Variants in ADAMTS3 observed in about 807,000 individuals in gnomAD.
The protein encoded by ADAMTS3 is A disintegrin and metalloproteinase with thrombospondin motifs 3.
Under a neutral mutation model 129.0 loss-of-function variants are expected in ADAMTS3, and 73 were observed. The ratio of observed to expected loss-of-function variants is 0.57; its 90% confidence interval spans 0.47 to 0.69. The LOEUF is 0.69. Ranked by LOEUF, ADAMTS3 falls within the 30% of genes least tolerant of loss-of-function variation. The pLI, the probability that ADAMTS3 is intolerant of heterozygous loss-of-function variation, is 0.00. For synonymous variants in ADAMTS3, 477 were observed against 510.8 expected (o/e 0.93, Z 0.89); for missense variants, 1,457 against 1,514.5 (o/e 0.96, Z 0.63).
intron 4 of ADAMTS3, among the ~76,000 whole-genome samples, chr4:72,369,485 C>A (rs1720950878): frequency 1.3e-5 from 2 of 151,986 alleles, no homozygotes; most frequent in Admixed American, 1.3e-4. Context: ...CCGAGGTGGG[C>A]AGATCACTTG....
chr4:72,528,383 A>G (rs1390742618), intron 3 of ADAMTS3, among the ~76,000 whole-genome samples: 8 of 152,090 alleles, frequency 5.3e-5, no homozygotes, highest in Admixed American at 4.6e-4. Flanking sequence ...TTCTGACCAC[A>G]AAGGAATGAT....
rs1719222531 is a variant in ADAMTS3 at position 72,311,109 on chromosome 4, T to C, written c.1994A>G (p.His665Arg). ...TTTGTAAGAACAGTGCGTTCCATCA[T>C]GCACCAGTTGTTTCATGTAAGCAAC... The part of the protein sequence containing the change: ...GDVAYMKQLV[H>R]DGTHCSYKDP... Residue 665 changes from histidine (H) to arginine (R), a missense_variant, in exon 14 of 22, where the codon CAT (histidine) becomes CGT (arginine). His to Arg is a conservative substitution (Grantham distance 29, BLOSUM62 0). Coordinates refer to ENST00000286657, the MANE Select transcript of ADAMTS3 (RefSeq NM_014243.3). The C allele has an allele frequency of 2.5e-6, 4 of 1,612,836 alleles. No homozygotes were observed. Among genetic ancestry groups the C allele is most frequent in the Non-Finnish European group, 3.4e-6 (4 of 1,179,128 alleles).
intron 4 of ADAMTS3, among the ~76,000 whole-genome samples, chr4:72,401,527 A>G (rs2109909092): frequency 7.6e-6 from 1 of 131,624 alleles, no homozygotes. Context: ...AGATCGCGCC[A>G]CTGCACTCCA....
At chr4:72,350,854 C>T (rs1452481304) in intron 4 of ADAMTS3, among the ~76,000 whole-genome samples, 3 of 151,898 alleles carry the variant, frequency 2.0e-5, no homozygotes, top group East Asian at 1.9e-4. Context: ...CATATATATG[C>T]GATGATCCGG....
intron 2 of ADAMTS3, among the ~76,000 whole-genome samples, chr4:72,550,959 T>C (rs954631530): frequency 4.6e-5 from 7 of 152,072 alleles, no homozygotes. Context: ...CAGGGTGTCT[T>C]GCCAGTTGAA....
intron 4 of ADAMTS3, among the ~76,000 whole-genome samples, chr4:72,386,307 G>A (rs1048174921): frequency 1.3e-5 from 2 of 151,790 alleles, no homozygotes; most frequent in African/African-American, 2.4e-5. Context: ...ACATATTCAC[G>A]ACATGTGTTT....
At chr4:72,516,945 C>T (rs1475223268) in intron 3 of ADAMTS3, among the ~76,000 whole-genome samples, 3 of 152,070 alleles carry the variant, frequency 2.0e-5, no homozygotes, top group Non-Finnish European at 4.4e-5. Context: ...CCAGTTTTTG[C>T]CCATTCAGTA....
intron 2 of ADAMTS3, among the ~76,000 whole-genome samples, chr4:72,560,678 C>T (rs1721881109): frequency 6.6e-6 from 1 of 151,898 alleles, no homozygotes; most frequent in Non-Finnish European, 1.5e-5. Flanking sequence ...CACGCTGGGG[C>T]CCATTGAGGG....
chr4:72,495,296 G>A (rs1719847873), intron 3 of ADAMTS3, among the ~76,000 whole-genome samples: 1 of 152,182 alleles, frequency 6.6e-6, no homozygotes. Context: ...TAGAGTCATT[G>A]TAGGGAACTG....
intron 4 of ADAMTS3, among the ~76,000 whole-genome samples, chr4:72,400,847 A>C (rs1177559672): frequency 6.9e-6 from 1 of 145,002 alleles, no homozygotes; most frequent in Admixed American, 6.7e-5. Context: ...ATATATGTGT[A>C]TATATCTGTG....
chr4:72,408,124 T>A (rs2109917512), intron 4 of ADAMTS3, among the ~76,000 whole-genome samples: 1 of 152,348 alleles, frequency 6.6e-6, no homozygotes, highest in Middle Eastern at 3.4e-3. Context: ...TTTTAGCCTA[T>A]GTGTAGTTCT....
At chr4:72,531,511 T>C (rs531418404) in intron 3 of ADAMTS3, among the ~76,000 whole-genome samples, 2 of 152,078 alleles carry the variant, frequency 1.3e-5, no homozygotes, top group African/African-American at 4.8e-5. Flanking sequence ...AGGTTGAGAG[T>C]AGACATGCAG....
chr4:72,352,392 A>G (rs1175084571), intron 4 of ADAMTS3, among the ~76,000 whole-genome samples: 5 of 152,184 alleles, frequency 3.3e-5, no homozygotes, highest in African/African-American at 1.2e-4. Flanking sequence ...TTGGTAACAC[A>G]AGGAAAACCT....
chr4:72,367,954 T>A (rs528696113), intron 4 of ADAMTS3, among the ~76,000 whole-genome samples: 1 of 152,114 alleles, frequency 6.6e-6, no homozygotes, highest in Admixed American at 6.5e-5. Flanking sequence ...TTGGATGTTA[T>A]ATGCATAATG....
intron 3 of ADAMTS3, among the ~76,000 whole-genome samples, chr4:72,529,198 G>C (rs1387967749): frequency 6.6e-6 from 1 of 152,160 alleles, no homozygotes; most frequent in Non-Finnish European, 1.5e-5. Context: ...AAGACAAAAA[G>C]GCCAGAATGG....
At chr4:72,304,210 TG>T in intron 16 of ADAMTS3, 130 bp from the exon 17 acceptor site, 1 of 876,766 alleles carries the variant, frequency 1.1e-6, no homozygotes, top group Non-Finnish European at 1.7e-6. Context: ...GGAATCAAAA[TG>T]GGTGTTAGTT....
chr4:72,423,907 C>CA (rs1722507703), intron 3 of ADAMTS3, among the ~76,000 whole-genome samples: 1 of 152,102 alleles, frequency 6.6e-6, no homozygotes. Context: ...GCCCCCAAGC[C>CA]ATGCCTTCAA....
At chr4:72,455,416 T>G (rs1234354891) in intron 3 of ADAMTS3, among the ~76,000 whole-genome samples, 1 of 150,908 alleles carries the variant, frequency 6.6e-6, no homozygotes. Context: ...TATGTGGGAG[T>G]TGAACAATGA....
chr4:72,463,372 A>G (rs1718824633), intron 3 of ADAMTS3, among the ~76,000 whole-genome samples: 1 of 152,006 alleles, frequency 6.6e-6, no homozygotes. Flanking sequence ...CCAACCTCTC[A>G]AAAAGCCAAA....
Sources: gnomAD v4.1 joint callset for allele counts (sites outside exome capture counted in the v4.1 genomes callset) on GRCh38, gnomAD v4.1.1 for gene constraint, MANE v1.5 for transcripts, NCBI Gene and HGNC (gene_info 2026-07-23, HGNC 2026-07-21) for gene names.